The following R3HDM2 variants were observed in gnomAD, a reference collection of about 807,000 sequenced individuals.
R3HDM2 encodes R3H domain-containing protein 2.
In R3HDM2, 38 loss-of-function variants were observed where a neutral mutation model predicts 124.5. The ratio of observed to expected loss-of-function variants is 0.31; its 90% CI spans 0.24 to 0.40. R3HDM2 has a LOEUF of 0.40. R3HDM2 is among the 10% of genes least tolerant of loss of function. The pLI is 1.00. For synonymous variants in R3HDM2, 391 were observed against 448.0 expected (o/e 0.87, Z 1.61); for missense variants, 869 against 1,236.9 (o/e 0.70, Z 4.46).
intron 2 of R3HDM2, among the ~76,000 whole-genome samples, chr12:57,375,766 T>C (rs2063978013): frequency 6.6e-6 from 1 of 150,944 alleles, no homozygotes; most frequent in East Asian, 2.0e-4. Context: ...TCTGACTCCC[T>C]GGTTCAAGCA....
intron 2 of R3HDM2, among the ~76,000 whole-genome samples, chr12:57,382,905 T>C (rs1305681912): frequency 2.0e-5 from 3 of 152,082 alleles, no homozygotes; most frequent in African/African-American, 7.2e-5. Context: ...AGTCTCGCTC[T>C]TGTTGCCCAG....
chr12:57,386,886 A>G (rs1015841628), intron 2 of R3HDM2, among the ~76,000 whole-genome samples: 1 of 152,096 alleles, frequency 6.6e-6, no homozygotes, highest in Non-Finnish European at 1.5e-5. Context: ...GGCACTTGGT[A>G]TCTAGTTAAT....
intron 3 of R3HDM2, 66 bp from the exon 4 acceptor site, chr12:57,303,283 C>A (rs547742216): frequency 3.7e-6 from 5 of 1,357,596 alleles, no homozygotes; most frequent in Non-Finnish European, 5.1e-6. Context: ...AAAAACAATA[C>A]ATGTTTATAA....
intron 1 of R3HDM2, among the ~76,000 whole-genome samples, chr12:57,419,337 G>A (rs2069962522): frequency 6.6e-6 from 1 of 151,606 alleles, no homozygotes; most frequent in Admixed American, 6.6e-5. Flanking sequence ...TTGAGACAGG[G>A]TTTTATCAGG....
intron 3 of R3HDM2, chr12:57,305,638 A>G (rs923863474): frequency 2.5e-6 from 1 of 398,894 alleles, no homozygotes; most frequent in African/African-American, 2.1e-5. Context: ...AAAGGCACAA[A>G]CCTTGTCAAA....
At chr12:57,388,560 A>C (rs2066208945) in intron 2 of R3HDM2, among the ~76,000 whole-genome samples, 1 of 152,084 alleles carries the variant, frequency 6.6e-6, no homozygotes, top group African/African-American at 2.4e-5. Flanking sequence ...CAGTACTGAC[A>C]ATGTCAAGGT....
At chr12:57,364,640 G>A (rs1304467062) in intron 2 of R3HDM2, among the ~76,000 whole-genome samples, 2 of 151,688 alleles carry the variant, frequency 1.3e-5, no homozygotes, top group African/African-American at 4.8e-5. Flanking sequence ...ATCCCTCTGT[G>A]TGTCTAAATT....
At chr12:57,339,119 C>T (rs1475322993) in intron 2 of R3HDM2, among the ~76,000 whole-genome samples, 1 of 150,972 alleles carries the variant, frequency 6.6e-6, no homozygotes, top group Non-Finnish European at 1.5e-5. Context: ...AACCTCTGCC[C>T]AGTAGCTGGG....
chr12:57,291,567 T>C lies in R3HDM2; in HGVS notation c.906+1005A>G, dbSNP rs573445022. 5.5e-4 allele frequency among the ~76,000 whole-genome samples: 83 copies of C among 151,040 alleles called. No homozygotes were observed. The South Asian group carries it at 0.016, about 30-fold the overall frequency. ...TACTCGGGAGGCTGAGGCAAGAGGA[T>C]CGTTTGAGCCCAGGAAGTTGAAGCT... is the stretch of plus-strand genomic sequence containing the variant. On this transcript the variant is annotated intron_variant, in intron 11 of 23. Transcript: ENST00000402412.
At chr12:57,397,160 G>A (rs895742753) in intron 1 of R3HDM2, among the ~76,000 whole-genome samples, 23 of 152,266 alleles carry the variant, frequency 1.5e-4, no homozygotes, top group African/African-American at 5.5e-4. Context: ...TAGATGAGAA[G>A]TAGAAGCAAA....
chr12:57,303,473 G>A (rs1034408401), intron 3 of R3HDM2, among the ~76,000 whole-genome samples: 2 of 152,026 alleles, frequency 1.3e-5, no homozygotes, highest in Non-Finnish European at 2.9e-5. Flanking sequence ...GTCAGATGTG[G>A]TGGCTCATGC....
intron 2 of R3HDM2, among the ~76,000 whole-genome samples, chr12:57,365,302 T>A (rs894914459): frequency 6.6e-6 from 1 of 151,908 alleles, no homozygotes; most frequent in African/African-American, 2.4e-5. Flanking sequence ...CCAGTCAGAT[T>A]GGATTAGGGC....
intron 2 of R3HDM2, among the ~76,000 whole-genome samples, chr12:57,318,726 T>TA (rs1025666363): frequency 6.6e-6 from 1 of 152,086 alleles, no homozygotes; most frequent in Non-Finnish European, 1.5e-5. Flanking sequence ...AATAATCAGC[T>TA]AAAACTTTTG....
chr12:57,382,833 C>G (rs1333052633), intron 2 of R3HDM2, among the ~76,000 whole-genome samples: 1 of 151,596 alleles, frequency 6.6e-6, no homozygotes, highest in Non-Finnish European at 1.5e-5. Context: ...GAGACTCCAT[C>G]TCAAAAATAA....
intron 2 of R3HDM2, among the ~76,000 whole-genome samples, chr12:57,362,342 TCTTC>T (rs1247715252): frequency 2.0e-5 from 3 of 152,234 alleles, no homozygotes; most frequent in East Asian, 1.9e-4. Flanking sequence ...ATGTATTTTC[TCTTC>T]CTTATGATTT....
chr12:57,394,025 G>A (rs2067115971), intron 2 of R3HDM2, among the ~76,000 whole-genome samples: 2 of 152,320 alleles, frequency 1.3e-5, no homozygotes, highest in South Asian at 4.1e-4. Context: ...TCTAGGCTGG[G>A]TGTGGTGGCT....
intron 12 of R3HDM2, among the ~76,000 whole-genome samples, chr12:57,285,451 G>A (rs2047124694): frequency 6.6e-6 from 1 of 151,220 alleles, no homozygotes; most frequent in Non-Finnish European, 1.5e-5. Context: ...GAGAGAGTGT[G>A]TGTGTGTGTG....
rs79240883 is a variant in R3HDM2, at chr12:57,318,835, A to C, written c.-35-8372T>G. ...CATATTTATTCTTACTATTATCACC[A>C]TTTTACAGACAAGTAAACTGAGGCA... is the stretch of plus-strand genomic sequence containing the variant. On this transcript the variant is annotated intron_variant, in intron 2 of 23. Coordinates refer to ENST00000402412, the MANE Select transcript of R3HDM2 (RefSeq NM_001394031.1). Among the ~76,000 whole-genome samples, 1,359 of 152,226 alleles carry C rather than the reference A, an allele frequency of 8.9e-3. 21 individuals are homozygous for C. Among genetic ancestry groups the C allele is most frequent in the East Asian group, 0.071 (370 of 5,180 alleles).
chr12:57,258,237 T>C (rs760236314), intron 20 of R3HDM2, 100 bp from the exon 21 acceptor site: 9 of 1,178,166 alleles, frequency 7.6e-6, no homozygotes, highest in Non-Finnish European at 8.7e-6. Flanking sequence ...GAAATAAGTT[T>C]CTCTTGCTGA....
Sources: allele counts gnomAD v4.1 joint callset (sites outside exome capture counted in the v4.1 genomes callset), GRCh38; gene constraint gnomAD v4.1.1; transcripts MANE v1.5; gene names NCBI Gene and HGNC (gene_info 2026-07-23, HGNC 2026-07-21).